The following DMTN variants were observed in gnomAD, a reference collection of about 807,000 sequenced individuals.
The protein encoded by DMTN is dematin.
Under a neutral mutation model 59.4 loss-of-function variants are expected in DMTN, and 27 were observed. The observed-to-expected ratio is 0.45, with a 90% CI of 0.33 to 0.63. The LOEUF (loss-of-function observed/expected upper bound fraction) is 0.63. DMTN is among the 20% of genes least tolerant of loss of function. DMTN has a pLI of 0.02. For synonymous variants in DMTN, 221 were observed against 203.7 expected (o/e 1.08, Z -0.72); for missense variants, 451 against 528.9 (o/e 0.85, Z 1.45).
chr8:22,059,184 T>C (rs1804502943), intron 1 of DMTN: 1 of 151,838 alleles, frequency 6.6e-6, no homozygotes, highest in Non-Finnish European at 1.5e-5. Context: ...GGAGAAAAGA[T>C]GAAGAAAGCC....
chr8:22,057,468 G>A (rs879921861), intron 1 of DMTN, among the ~76,000 whole-genome samples: 8 of 152,218 alleles, frequency 5.3e-5, no homozygotes, highest in Non-Finnish European at 1.2e-4. Flanking sequence ...GGTGGGCAGG[G>A]GAGCATTCCC....
rs375121927 is a variant in DMTN at position 22,064,571 on chromosome 8, A to G, written c.-171-2134A>G. On this transcript the variant is annotated intron_variant, in intron 1 of 15. Transcript: ENST00000358242. The stretch of plus-strand genomic sequence containing the variant: ...CCTCCTGGGTTCATGCCATTCTCCT[A>G]CCTCAGCCTCCTGAGTAGCTGGGAC... Among the ~76,000 whole-genome samples, 191 of 151,892 alleles carry G rather than the reference A, an allele frequency of 1.3e-3. 1 individual carries two copies. Among genetic ancestry groups the G allele is most frequent in the Non-Finnish European group, 2.2e-3 (148 of 67,930 alleles).
chr8:22,060,297 C>A lies in DMTN; in HGVS notation c.-172+3161C>A, dbSNP rs995417856. 3.3e-5 allele frequency among the ~76,000 whole-genome samples: 5 copies of A among 152,026 alleles called. No homozygotes were observed. Among genetic ancestry groups the A allele is most frequent in the African/African-American group, 4.8e-5 (2 of 41,380 alleles). On this transcript the variant is annotated intron_variant, in intron 1 of 15. Transcript: ENST00000358242. The surrounding 1 kb of genome is among the most constrained non-coding windows in gnomAD (Gnocchi z 5.0). ...GATGGGAGGAGGTGGAGTGAGCTGG[C>A]ACTTGACCTGCGAGAAATGAGCTTT...
intron 10 of DMTN, among the ~76,000 whole-genome samples, chr8:22,074,770 C>T (rs9314295): frequency 0.72 from 109,906 of 151,994 alleles, 41,917 homozygotes; most frequent in East Asian, 0.97. Context: ...AGATGGGGAG[C>T]GGGGCAGGCT....
chr8:22,081,092 T>TGGGGGGGGGGGGGGGGGGGGGGGG, intron 14 of DMTN, 21 bp from the exon 15 acceptor site: 100 of 1,547,156 alleles, frequency 6.5e-5, no homozygotes, highest in Non-Finnish European at 8.4e-5. Flanking sequence ...AGCCTAAGAT[T>TGGGGGGGGGGGGGGGGGGGGGGGG]GCCCCTCCCC....
intron 1 of DMTN, among the ~76,000 whole-genome samples, chr8:22,062,712 C>T (rs1490911350): frequency 6.6e-6 from 1 of 151,566 alleles, no homozygotes; most frequent in African/African-American, 2.4e-5. Flanking sequence ...TATGGCCTGA[C>T]ATTCGAGCTG....
At chr8:22,076,550 CAG>C (rs1819922257) in intron 10 of DMTN, among the ~76,000 whole-genome samples, 1 of 151,546 alleles carries the variant, frequency 6.6e-6, no homozygotes, top group African/African-American at 2.4e-5. Flanking sequence ...ACCTGGGTGA[CAG>C]AGTGGGATCC....
upstream of DMTN, among the ~76,000 whole-genome samples, chr8:22,050,598 A>C (rs1269924109): frequency 7.0e-6 from 1 of 142,092 alleles, no homozygotes; most frequent in Non-Finnish European, 1.5e-5. Context: ...GAAAGCCCTC[A>C]CTGTTTTCTT....
At chr8:22,072,935 C>T (rs532582098) in intron 9 of DMTN, among the ~76,000 whole-genome samples, 35 of 152,220 alleles carry the variant, frequency 2.3e-4, no homozygotes, top group Non-Finnish European at 1.3e-4. Context: ...ATGCTGCTTT[C>T]TGGGGGACAC....
rs1415927723 is a variant in DMTN at position 22,070,315 on chromosome 8, C to T, written c.585C>T (p.Pro195=). The T allele has an allele frequency of 1.2e-6, 2 of 1,610,392 alleles. No homozygotes were observed. Among genetic ancestry groups the T allele is most frequent in the East Asian group, 2.2e-5 (1 of 44,860 alleles). Residue 195 remains proline (P), a synonymous_variant, in exon 8 of 16, where the codon CCC becomes CCT. Coordinates refer to ENST00000358242, the MANE Select transcript of DMTN (RefSeq NM_001387751.1). Reference sequence around the variant, plus strand: ...TCGAAACCGACTACTGGCCATGCCCCCCGTCTCTGGCTGTTGTGGGTAGGA... The same window carrying T: ...TCGAAACCGACTACTGGCCATGCCCTCCGTCTCTGGCTGTTGTGGGTAGGA... ...AKIETDYWPC[P]PSLAVVETEW... is the part of the protein sequence containing the mutation.
In DMTN at chr8:22,076,592, ATG is replaced by A. The variant is rs1378862389; in HGVS notation, c.835+2767_835+2768del. 9.2e-5 allele frequency among the ~76,000 whole-genome samples: 14 copies of A among 151,838 alleles called. No homozygotes were observed. In the South Asian group the frequency reaches 2.1e-3, roughly 23 times the overall value. ...TCTAATTGTATATATATATGTATAT[ATG>A]TGTGTGTGTATATATATATGTCACT... On this transcript the variant is annotated intron_variant, in intron 10 of 15. Coordinates refer to ENST00000358242, the MANE Select transcript of DMTN (RefSeq NM_001387751.1).
chr8:22,074,130 C>G (rs1817926291), intron 10 of DMTN, among the ~76,000 whole-genome samples: 1 of 152,244 alleles, frequency 6.6e-6, no homozygotes, highest in African/African-American at 2.4e-5. Flanking sequence ...TGGTAGCTTG[C>G]TGTTGGCGGG....
At position 22,069,890 on chromosome 8, in the gene DMTN, G is replaced by A. The variant is rs770457471; in HGVS notation, c.404G>A (p.Arg135His). The stretch of plus-strand genomic sequence containing the variant: ...GTTCTTCCTCCCACAGAGACCTCCC[G>A]CCCAGATTCCAACATCTACAAGAAG... ...LPHFHHPETS[R>H]PDSNIYKKPP... Residue 135 changes from arginine to histidine, a missense_variant, in exon 7 of 16, where the codon CGC (arginine) becomes CAC (histidine). Coordinates refer to ENST00000358242, the MANE Select transcript of DMTN (RefSeq NM_001387751.1). 9 of 1,613,866 alleles carry A rather than the reference G, an allele frequency of 5.6e-6. No individual in the cohort carries two copies. Among genetic ancestry groups the A allele is most frequent in the Admixed American group, 3.3e-5 (2 of 59,968 alleles).
chr8:22,082,096 T>C lies in DMTN; in HGVS notation c.*633T>C, dbSNP rs996959526. On this transcript the variant is annotated 3_prime_UTR_variant, in exon 16 of 16. Transcript: ENST00000358242. ...CTGGGCTTAGGGTGGAGATGCCGCC[T>C]ACACACGATCCTGGCCCTCCACCTG... 1 of 456,700 alleles carries C rather than the reference T, an allele frequency of 2.2e-6. No individual in the cohort carries two copies. The highest frequency in any genetic ancestry group is 2.0e-5 in the African/African-American group (1 of 50,196). 28.3% of individuals were successfully genotyped at this position (456,700 alleles called of 1,614,324 possible). A position where few individuals can be genotyped will look rare whatever the true frequency, so the allele number is the denominator to read the frequency against.
chr8:22,070,489 T>C, intron 8 of DMTN, 155 bp downstream of exon 8: 1 of 863,584 alleles, frequency 1.2e-6, no homozygotes, highest in Middle Eastern at 3.1e-4. Flanking sequence ...GGCTCCTTGC[T>C]CACTCACTCT....
At position 22,068,475 on chromosome 8, in the gene DMTN, G is replaced by A. The variant is rs538374148; in HGVS notation, c.250-541G>A. 2.6e-5 allele frequency among the ~76,000 whole-genome samples: 4 copies of A among 152,316 alleles called. No homozygotes were observed. In the East Asian group the frequency reaches 7.7e-4, roughly 29 times the overall value. Reference sequence around the variant, plus strand: ...TTCAGCTGCTCAGGAGGCTGAGGTGGGAGAATCCCTTGAGGCTGGGAAGGG... The same window carrying A: ...TTCAGCTGCTCAGGAGGCTGAGGTGAGAGAATCCCTTGAGGCTGGGAAGGG... On this transcript the variant is annotated intron_variant, in intron 4 of 15. Coordinates refer to ENST00000358242, the MANE Select transcript of DMTN (RefSeq NM_001387751.1).
At chr8:22,052,643 GAAAACC>G (rs1039790187), upstream of DMTN, among the ~76,000 whole-genome samples, 1 of 152,068 alleles carries the variant, frequency 6.6e-6, no homozygotes, top group Non-Finnish European at 1.5e-5. Context: ...GGGACTTTTG[GAAAACC>G]CTCTCTTACA....
Position 22,073,657 on chromosome 8 carries a change from GAAAAAAAA to G in DMTN, c.730-69_730-62del, listed in dbSNP as rs372449280. On this transcript the variant is annotated intron_variant, in intron 9 of 15. Coordinates refer to ENST00000358242, the MANE Select transcript of DMTN (RefSeq NM_001387751.1). ...AAAAAAAAAAAAAAAAAAAAAGAAA[GAAAAAAAA>G]AAAGAGAAAAAAGAAACATTCAAGT... The G allele has an allele frequency of 5.5e-4, 352 of 643,368 alleles. 18 individuals are homozygous for G. In the South Asian group the frequency reaches 7.6e-3, roughly 14 times the overall value. The allele number at this position is 643,368 out of a possible 1,614,324, so 39.9% of individuals were successfully genotyped here. A position where few individuals can be genotyped will look rare whatever the true frequency, so the allele number is the denominator to read the frequency against.
chr8:22,078,297 A>C (rs1821206529), intron 10 of DMTN, among the ~76,000 whole-genome samples: 1 of 152,016 alleles, frequency 6.6e-6, no homozygotes, highest in African/African-American at 2.4e-5. Flanking sequence ...CCTGGGAGGC[A>C]GAGGTTGTGG....
Sources: allele counts gnomAD v4.1 joint callset (sites outside exome capture counted in the v4.1 genomes callset), GRCh38; gene constraint gnomAD v4.1.1; non-coding constraint Gnocchi (gnomAD v3.1); transcripts MANE v1.5; gene names NCBI Gene and HGNC (gene_info 2026-07-23, HGNC 2026-07-21).